Variants in HM13 observed in about 807,000 individuals in gnomAD.
The protein encoded by HM13 is histocompatibility minor 13.
A neutral mutation model predicts 50.0 loss-of-function variants in HM13; 18 were observed. The observed-to-expected ratio is 0.36, with a 90% CI of 0.25 to 0.53. HM13 has a LOEUF of 0.53. Ranked by LOEUF, HM13 falls within the 20% of genes least tolerant of loss-of-function variation. HM13 has a pLI of 0.90. For missense variants in HM13, 393 were observed against 552.4 expected (o/e 0.71, Z 2.89); for synonymous variants, 197 against 232.6 (o/e 0.85, Z 1.39).
chr20:31,545,345 G>C (rs1983654691), intron 4 of HM13, among the ~76,000 whole-genome samples: 1 of 148,940 alleles, frequency 6.7e-6, no homozygotes, highest in Non-Finnish European at 1.5e-5. Context: ...AAAGCATTCA[G>C]CATGGTGCCT....
At chr20:31,543,625 CA>C (rs1022037532) in intron 3 of HM13, among the ~76,000 whole-genome samples, 4 of 151,888 alleles carry the variant, frequency 2.6e-5, no homozygotes, top group Middle Eastern at 3.4e-3. Flanking sequence ...TCCATGCCAC[CA>C]GGGTCTTTAA....
At position 31,528,407 on chromosome 20, in the gene HM13, C is replaced by T. The variant is rs1022898931; in HGVS notation, c.282+825C>T. 2.9e-4 allele frequency among the ~76,000 whole-genome samples: 44 copies of T among 152,288 alleles called. 1 individual carries two copies. The highest frequency in any genetic ancestry group is 2.3e-3 in the South Asian group (11 of 4,820). On this transcript the variant is annotated intron_variant, in intron 2 of 12. Transcript: ENST00000398174. Reference sequence around the variant, plus strand: ...TCACAGTTCACTGCAGCCTCAACCTCTTAGGCTCAAGAGATCCTCCTGCCT... The same window carrying T: ...TCACAGTTCACTGCAGCCTCAACCTTTTAGGCTCAAGAGATCCTCCTGCCT...
intron 7 of HM13, among the ~76,000 whole-genome samples, chr20:31,553,399 T>C (rs775775906): frequency 2.6e-5 from 4 of 152,172 alleles, no homozygotes; most frequent in Middle Eastern, 3.4e-3. Context: ...GCACCACACT[T>C]ATCACCTGGG....
In HM13 at chr20:31,546,044, C is replaced by CTT. The variant is rs35862306; in HGVS notation, c.454+1030_454+1031dup. 3.0e-3 allele frequency among the ~76,000 whole-genome samples: 306 copies of CTT among 103,188 alleles called. 2 individuals carry two copies. The highest frequency in any genetic ancestry group is 0.011 in the African/African-American group (237 of 22,006). 67.7% of individuals were successfully genotyped at this position (103,188 alleles called of 152,430 possible). A position where few individuals can be genotyped will look rare whatever the true frequency, so the allele number is the denominator to read the frequency against. The stretch of plus-strand genomic sequence containing the variant: ...AATACTGAGCATGTGAAATCTAGCA[C>CTT]TTTTTTTTTTTTTTTTTTTTTTCGA... On this transcript the variant is annotated intron_variant, in intron 4 of 12. Transcript: ENST00000398174.
chr20:31,527,730 A>G (rs1286127433), intron 2 of HM13, 148 bp downstream of exon 2: 1 of 603,934 alleles, frequency 1.7e-6, no homozygotes, highest in African/African-American at 1.9e-5. Context: ...GACCTACCCA[A>G]AGACAACAAC....
chr20:31,548,074 G>A, intron 4 of HM13: 1 of 1,389,838 alleles, frequency 7.2e-7, no homozygotes, highest in East Asian at 2.3e-5. Flanking sequence ...GCATTTGGGG[G>A]GCTAAATGTG....
In HM13 at chr20:31,559,059, C is replaced by T. The variant is rs148842418; in HGVS notation, c.809-552C>T. On this transcript the variant is annotated intron_variant, in intron 8 of 12. Transcript: ENST00000398174. ...TCAGCCTCCCGAGTAGCTGGGACTA[C>T]GGGCACATGCCACTATGTCTGGCTA... Among the ~76,000 whole-genome samples the T allele has an allele frequency of 5.6e-3, 858 of 152,316 alleles. 8 individuals carry two copies. Among genetic ancestry groups the T allele is most frequent in the African/African-American group, 0.02 (825 of 41,568 alleles).
rs193063077 is a variant in HM13 at position 31,522,806 on chromosome 20, G to A, written c.184-4678G>A. On this transcript the variant is annotated intron_variant, in intron 1 of 12. Coordinates refer to ENST00000398174, the MANE Select transcript of HM13 (RefSeq NM_178581.3). ...AGATACAATGCTGAGTACTTCCAAA[G>A]CAGAAATCAGAATCCTCACAACTTG... is the stretch of plus-strand genomic sequence containing the variant. Among the ~76,000 whole-genome samples, 413 of 152,082 alleles carry A rather than the reference G, an allele frequency of 2.7e-3. 1 individual carries two copies. The highest frequency in any genetic ancestry group is 4.1e-3 in the Non-Finnish European group (278 of 67,992).
At chr20:31,548,145 C>T in intron 4 of HM13, 1 of 833,060 alleles carries the variant, frequency 1.2e-6, no homozygotes, top group Non-Finnish European at 2.0e-6. Context: ...TACAATGCCT[C>T]TGTGGTTATG....
Position 31,561,755 on chromosome 20 carries a change from G to A in HM13, c.948+19G>A. ...TGCTCAGGTGGGCAGGACGGTATCA[G>A]AGTGTCAGGAATGCCTCACTGCAAA... On this transcript the variant is annotated intron_variant, in intron 10 of 12. Coordinates refer to ENST00000398174, the MANE Select transcript of HM13 (RefSeq NM_178581.3). The A allele has an allele frequency of 3.3e-6, 5 of 1,522,616 alleles. No homozygotes were observed. The highest frequency in any genetic ancestry group is 3.6e-6 in the Non-Finnish European group (4 of 1,096,630). The allele number at this position is 1,522,616 out of a possible 1,614,324, so 94.3% of individuals were successfully genotyped here.
intron 2 of HM13, among the ~76,000 whole-genome samples, chr20:31,537,904 T>C (rs1432597141): frequency 6.6e-6 from 1 of 152,198 alleles, no homozygotes; most frequent in Non-Finnish European, 1.5e-5. Context: ...TGCAGCACTT[T>C]GAGCACAAAC....
At chr20:31,535,096 A>G (rs1184162492) in intron 2 of HM13, among the ~76,000 whole-genome samples, 3 of 152,086 alleles carry the variant, frequency 2.0e-5, no homozygotes, top group Admixed American at 6.6e-5. Flanking sequence ...AAAAAAAAAA[A>G]AAGAAGAAGA....
intron 8 of HM13, among the ~76,000 whole-genome samples, chr20:31,556,768 C>T (rs969075016): frequency 6.6e-6 from 1 of 151,948 alleles, no homozygotes; most frequent in Non-Finnish European, 1.5e-5. Flanking sequence ...AGCCTGTAAT[C>T]CCAGCACTTT....
chr20:31,514,483 C>T lies in HM13; in HGVS notation c.-69C>T, dbSNP rs1395741498. On this transcript the variant is annotated 5_prime_UTR_variant, in exon 1 of 13. Coordinates refer to ENST00000398174, the MANE Select transcript of HM13 (RefSeq NM_178581.3). This position sits in a 1 kb window ranked among gnomAD's most constrained non-coding sequence, Gnocchi z 4.3. Reference sequence around the variant, plus strand: ...GGGGAACGTGGCTTTCCCTGCAGAGCCGGTGTCTCCGCCTGCGTCCCTGCT... The same window carrying T: ...GGGGAACGTGGCTTTCCCTGCAGAGTCGGTGTCTCCGCCTGCGTCCCTGCT... 4 of 1,507,964 alleles carry T rather than the reference C, an allele frequency of 2.7e-6. No individual in the cohort carries two copies. Among genetic ancestry groups the T allele is most frequent in the African/African-American group, 2.7e-5 (2 of 72,754 alleles). The allele number at this position is 1,507,964 out of a possible 1,614,324, so 93.4% of individuals were successfully genotyped here.
chr20:31,549,968 TC>T lies in HM13; in HGVS notation c.667-93del, dbSNP rs751272228. ...GGAGCCCCTCCCAGCTCCCCTCAGA[TC>T]CCAGGCAGCAGCACATCTAGAAGCC... On this transcript the variant is annotated intron_variant, in intron 6 of 12. Coordinates refer to ENST00000398174, the MANE Select transcript of HM13 (RefSeq NM_178581.3). The T allele has an allele frequency of 6.1e-5, 56 of 912,560 alleles. No individual in the cohort carries two copies. The East Asian group carries it at 1.1e-3, about 18-fold the overall frequency. 56.5% of individuals were successfully genotyped at this position (912,560 alleles called of 1,614,324 possible). A position where few individuals can be genotyped will look rare whatever the true frequency, so the allele number is the denominator to read the frequency against.
intron 3 of HM13, among the ~76,000 whole-genome samples, chr20:31,543,876 G>A (rs897487844): frequency 5.9e-5 from 9 of 151,912 alleles, no homozygotes; most frequent in East Asian, 1.9e-4. Context: ...GGAGCTTGCC[G>A]TGAGCCGAGA....
intron 4 of HM13, 45 bp from the exon 5 acceptor site, chr20:31,548,984 G>T (rs751076888): frequency 1.9e-6 from 3 of 1,540,110 alleles, no homozygotes; most frequent in Non-Finnish European, 2.7e-6. Context: ...GGTGGGAGGG[G>T]TAGCCCTGCC....
intron 2 of HM13, among the ~76,000 whole-genome samples, chr20:31,528,876 C>T (rs931623049): frequency 6.6e-5 from 10 of 152,094 alleles, no homozygotes; most frequent in Non-Finnish European, 1.3e-4. Flanking sequence ...TCCCAAAGTG[C>T]TGGGATTACA....
chr20:31,548,993 C>T (rs1049846664), intron 4 of HM13, 36 bp from the exon 5 acceptor site: 1 of 1,579,584 alleles, frequency 6.3e-7, no homozygotes, highest in Non-Finnish European at 8.7e-7. Flanking sequence ...GGTAGCCCTG[C>T]CTCAGGGAGT....
Sources: allele counts gnomAD v4.1 joint callset (sites outside exome capture counted in the v4.1 genomes callset), GRCh38; gene constraint gnomAD v4.1.1; non-coding constraint Gnocchi (gnomAD v3.1); transcripts MANE v1.5; gene names NCBI Gene and HGNC (gene_info 2026-07-23, HGNC 2026-07-21).